Variants in RAB42 observed in about 807,000 individuals in gnomAD.
RAB42 encodes ras-related protein Rab-42.
In RAB42, 4 loss-of-function variants were observed where a neutral mutation model predicts 7.5. That is an observed-to-expected ratio of 0.53 (90% CI 0.26 to 1.22). The LOEUF (loss-of-function observed/expected upper bound fraction) is 1.22, where lower values mean the gene tolerates loss of function less well. RAB42 is among the 50% of genes most tolerant of loss of function. RAB42 has a pLI of 0.13. For missense variants in RAB42, 208 were observed against 281.2 expected (o/e 0.74, Z 1.86); for synonymous variants, 82 against 129.0 (o/e 0.64, Z 2.47).
At position 28,594,035 on chromosome 1, in the gene RAB42, G is replaced by A. The variant is rs778237147; in HGVS notation, c.575G>A (p.Trp192Ter). The change falls in exon 2 of 2, where the codon TGG (tryptophan) becomes TAG (stop). Residue 192 changes from tryptophan (W) to a stop codon, truncating the protein, a stop_gained. Transcript: ENST00000465518. LOFTEE classifies it high-confidence loss of function. ...QQGDIKLEEG[W>*]GGVRLIHKTQ... Reference sequence around the variant, plus strand: ...GGGGACATCAAGCTAGAAGAGGGCTGGGGGGGTGTCCGGCTCATCCACAAG... The same window carrying A: ...GGGGACATCAAGCTAGAAGAGGGCTAGGGGGGTGTCCGGCTCATCCACAAG... 2 of 1,613,268 alleles carry A rather than the reference G, an allele frequency of 1.2e-6. No homozygotes were observed. Among genetic ancestry groups the A allele is most frequent in the Non-Finnish European group, 1.7e-6 (2 of 1,179,496 alleles).
intron 1 of RAB42, among the ~76,000 whole-genome samples, chr1:28,593,080 A>T (rs1461932846): frequency 2.6e-5 from 4 of 152,186 alleles, no homozygotes; most frequent in Non-Finnish European, 5.9e-5. Flanking sequence ...AGAGAGGATC[A>T]GCAGGAGTTT....
chr1:28,595,744 T>G (rs913091691), downstream of RAB42, among the ~76,000 whole-genome samples: 2 of 151,882 alleles, frequency 1.3e-5, no homozygotes, highest in Non-Finnish European at 2.9e-5. Flanking sequence ...CTGTCTATAC[T>G]AAAAATACAA....
chr1:28,593,130 C>T (rs1433735838), intron 1 of RAB42, among the ~76,000 whole-genome samples: 1 of 152,038 alleles, frequency 6.6e-6, no homozygotes, highest in African/African-American at 2.4e-5. Flanking sequence ...TAGGTCAGGG[C>T]AGCACCAGGC....
At position 28,593,870 on chromosome 1, in the gene RAB42, G is replaced by A. The variant is rs375798399; in HGVS notation, c.410G>A (p.Arg137His). 39 of 1,602,682 alleles carry A rather than the reference G, an allele frequency of 2.4e-5. No individual in the cohort carries two copies. The highest frequency in any genetic ancestry group is 2.9e-5 in the Non-Finnish European group (34 of 1,174,968). Residue 137 changes from arginine (R) to histidine (H), a missense_variant, in exon 2 of 2, where the codon CGC becomes CAC. By Grantham distance (29) the Arg-to-His change is conservative. Transcript: ENST00000465518. The part of the protein sequence containing the change: ...VGHKSDLQST[R>H]CVSAQEAEEL... The stretch of plus-strand genomic sequence containing the variant: ...CACAAGAGTGACCTGCAGAGCACCC[G>A]CTGTGTCTCAGCCCAGGAGGCCGAG...
In RAB42 at chr1:28,592,480, C is replaced by G. The variant is rs12123931; in HGVS notation, c.-32C>G. On this transcript the variant is annotated 5_prime_UTR_variant, in exon 1 of 2. Transcript: ENST00000465518. This position sits in a 1 kb window ranked among gnomAD's most constrained non-coding sequence, Gnocchi z 4.1. Reference sequence around the variant, plus strand: ...GGCGGGGTCGGGGCGCGGACAAAACCGCCGCGGGGCGGCGGGGTGGCGGAC... The same window carrying G: ...GGCGGGGTCGGGGCGCGGACAAAACGGCCGCGGGGCGGCGGGGTGGCGGAC... 0.26 allele frequency: 302,892 copies of G among 1,143,412 alleles called. 41,891 individuals are homozygous for G. The highest frequency in any genetic ancestry group is 0.31 in the Middle Eastern group (906 of 2,882). The allele number at this position is 1,143,412 out of a possible 1,614,324, so 70.8% of individuals were successfully genotyped here.
At chr1:28,596,194 C>T, downstream of RAB42, among the ~76,000 whole-genome samples, 1 of 152,032 alleles carries the variant, frequency 6.6e-6, no homozygotes, top group Non-Finnish European at 1.5e-5. Flanking sequence ...ATATCCATTA[C>T]CTCAGACATT....
rs1479698816 is a variant in RAB42, at chr1:28,594,109, C to T, written c.649C>T (p.Gln217Ter). The change falls in exon 2 of 2, where the codon CAG becomes TAG. Residue 217 changes from glutamine to a stop codon, truncating the protein, a stop_gained. Transcript: ENST00000465518. LOFTEE classifies it high-confidence loss of function. ...PSRKQHSGPC[Q>*]C Reference sequence around the variant, plus strand: ...CAGGAAGCAGCACTCAGGCCCATGCCAGTGTTGACTCTAGGAGAGAAAGGG... The same window carrying T: ...CAGGAAGCAGCACTCAGGCCCATGCTAGTGTTGACTCTAGGAGAGAAAGGG... 6.3e-7 allele frequency: 1 copy of T among 1,587,850 alleles called. No homozygotes were observed. The highest frequency in any genetic ancestry group is 8.6e-7 in the Non-Finnish European group (1 of 1,166,716).
intron 1 of RAB42, among the ~76,000 whole-genome samples, chr1:28,593,082 C>G (rs1666354985): frequency 6.6e-6 from 1 of 152,088 alleles, no homozygotes; most frequent in Non-Finnish European, 1.5e-5. Context: ...AGAGGATCAG[C>G]AGGAGTTTGC....
In RAB42 at chr1:28,594,687, A is replaced by C. The variant is rs4654341; in HGVS notation, c.*570A>C. The C allele has an allele frequency of 0.23, 37,751 of 167,102 alleles. 4,708 individuals are homozygous for C. Among genetic ancestry groups the C allele is most frequent in the Middle Eastern group, 0.33 (97 of 298 alleles). The allele number at this position is 167,102 out of a possible 1,614,324, so 10.4% of individuals were successfully genotyped here. A position where few individuals can be genotyped will look rare whatever the true frequency, so the allele number is the denominator to read the frequency against. ...GGGGCTCATAAAAGATCCCACCTTG[A>C]AGGGAGGTGGTGACCACAAATGAGA... On this transcript the variant is annotated 3_prime_UTR_variant, in exon 2 of 2. Transcript: ENST00000465518.
In RAB42 at chr1:28,592,695, C is replaced by G; in HGVS notation, c.184C>G (p.Pro62Ala). Residue 62 changes from proline (P) to alanine (A), a missense_variant, in exon 1 of 2, where the codon CCG becomes GCG. Physicochemically the swap from Pro to Ala is conservative, Grantham distance 27. Transcript: ENST00000465518. This position sits in a 1 kb window ranked among gnomAD's most constrained non-coding sequence, Gnocchi z 4.1. Reference protein sequence around the residue: ...YRRALQLRAGPRVKLQLWDTA... With the variant: ...YRRALQLRAGARVKLQLWDTA... Reference sequence around the variant, plus strand: ...CCGCGCGCTGCAGCTGCGGGCCGGGCCGCGGGTCAAGCTGCAACTCTGGGA... The same window carrying G: ...CCGCGCGCTGCAGCTGCGGGCCGGGGCGCGGGTCAAGCTGCAACTCTGGGA... 8.1e-7 allele frequency: 1 copy of G among 1,229,884 alleles called. No homozygotes were observed. The highest frequency in any genetic ancestry group is 1.0e-6 in the Non-Finnish European group (1 of 986,794). The allele number at this position is 1,229,884 out of a possible 1,614,324, so 76.2% of individuals were successfully genotyped here.
intron 1 of RAB42, 78 bp from the exon 2 acceptor site, chr1:28,593,616 G>T: frequency 7.1e-7 from 1 of 1,408,572 alleles, no homozygotes. Context: ...ATCCCAGGGG[G>T]AGGAGGTCCT....
chr1:28,594,974 C>T lies in RAB42; in HGVS notation c.*857C>T, dbSNP rs1451874557. The stretch of plus-strand genomic sequence containing the variant: ...CATGGGATTAATATGTGACGTCAAA[C>T]CCAGGGTTGCTGGCCAATGCCCCCC... On this transcript the variant is annotated 3_prime_UTR_variant, in exon 2 of 2. Transcript: ENST00000465518. 6.0e-6 allele frequency: 1 copy of T among 167,140 alleles called. No individual in the cohort carries two copies. The highest frequency in any genetic ancestry group is 1.5e-5 in the Non-Finnish European group (1 of 68,192). 10.4% of individuals were successfully genotyped at this position (167,140 alleles called of 1,614,324 possible).
At position 28,594,051 on chromosome 1, in the gene RAB42, C is replaced by T. The variant is rs772187816; in HGVS notation, c.591C>T (p.Leu197=). 1.2e-6 allele frequency: 2 copies of T among 1,613,404 alleles called. No individual in the cohort carries two copies. The highest frequency in any genetic ancestry group is 8.5e-7 in the Non-Finnish European group (1 of 1,179,504). The change falls in exon 2 of 2, where the codon CTC becomes CTT. Residue 197 remains leucine, a synonymous_variant. Transcript: ENST00000465518. Reference sequence around the variant, plus strand: ...AAGAGGGCTGGGGGGGTGTCCGGCTCATCCACAAGACCCAAATCCCCAGGT... The same window carrying T: ...AAGAGGGCTGGGGGGGTGTCCGGCTTATCCACAAGACCCAAATCCCCAGGT... ...KLEEGWGGVR[L]IHKTQIPRSP...
Position 28,593,987 on chromosome 1 carries a change from C to G in RAB42, c.527C>G (p.Ala176Gly). Residue 176 changes from alanine (A) to glycine (G), a missense_variant, in exon 2 of 2, where the codon GCT becomes GGT. By Grantham distance (60) the Ala-to-Gly change is moderately conservative. Coordinates refer to ENST00000465518, the MANE Select transcript of RAB42 (RefSeq NM_001193532.3). ...CTGGCCTTTGACACCCTCGCTGATGCTATCCAGCAGGCCCTGCAGCAGGGG... is the reference window on the plus strand; with the variant it reads ...CTGGCCTTTGACACCCTCGCTGATGGTATCCAGCAGGCCCTGCAGCAGGGG... Reference protein sequence around the residue: ...VDLAFDTLADAIQQALQQGDI... With the variant: ...VDLAFDTLADGIQQALQQGDI... 1 of 1,613,956 alleles carries G rather than the reference C, an allele frequency of 6.2e-7. No individual in the cohort carries two copies. Among genetic ancestry groups the G allele is most frequent in the Non-Finnish European group, 8.5e-7 (1 of 1,179,874 alleles).
rs1414365574 is a variant in RAB42 at position 28,593,691 on chromosome 1, C to T, written c.234-3C>T. ...TTACCTTTCCACCTCCCTGCCTCCC[C>T]AGGTGCATCACCAGGTCCTTTTACC... is the stretch of plus-strand genomic sequence containing the variant. On this transcript the variant is annotated splice_region_variant and splice_polypyrimidine_tract_variant and intron_variant, in intron 1 of 1. Coordinates refer to ENST00000465518, the MANE Select transcript of RAB42 (RefSeq NM_001193532.3). 6 of 1,534,612 alleles carry T rather than the reference C, an allele frequency of 3.9e-6. No homozygotes were observed. The highest frequency in any genetic ancestry group is 5.3e-6 in the Non-Finnish European group (6 of 1,136,580).
rs1309341239 is a variant in RAB42 at position 28,594,311 on chromosome 1, A to ACGCCTGTAATC, written c.*196_*206dup. 6 of 620,322 alleles carry ACGCCTGTAATC rather than the reference A, an allele frequency of 9.7e-6. No homozygotes were observed. The highest frequency in any genetic ancestry group is 1.6e-5 in the Non-Finnish European group (6 of 365,134). 38.4% of individuals were successfully genotyped at this position (620,322 alleles called of 1,614,324 possible). On this transcript the variant is annotated 3_prime_UTR_variant, in exon 2 of 2. Transcript: ENST00000465518. Reference sequence around the variant, plus strand: ...TTCTGATGGCCAGGCATGGTGGCTCACGCCTGTAATCCTAGCATTTTTGGA... The same window carrying ACGCCTGTAATC: ...TTCTGATGGCCAGGCATGGTGGCTCACGCCTGTAATCCGCCTGTAATCCTAGCATTTTTGGA...
intron 1 of RAB42, among the ~76,000 whole-genome samples, chr1:28,593,230 GTC>G (rs756490610): frequency 1.3e-5 from 2 of 151,502 alleles, no homozygotes; most frequent in South Asian, 2.1e-4. Flanking sequence ...TTGAGACGGA[GTC>G]TCTCTCTGTC....
Position 28,592,631 on chromosome 1 carries a change from G to T in RAB42, c.120G>T (p.Glu40Asp). The T allele has an allele frequency of 8.2e-7, 1 of 1,224,276 alleles. No individual in the cohort carries two copies. The highest frequency in any genetic ancestry group is 1.0e-6 in the Non-Finnish European group (1 of 982,988). 75.8% of individuals were successfully genotyped at this position (1,224,276 alleles called of 1,614,324 possible). A position where few individuals can be genotyped will look rare whatever the true frequency, so the allele number is the denominator to read the frequency against. Reference sequence around the variant, plus strand: ...GCGCGCCTGGCGCCCCGGAGCCGGAGCCCGAGCCCGAGCCCACGGTGGGCG... The same window carrying T: ...GCGCGCCTGGCGCCCCGGAGCCGGATCCCGAGCCCGAGCCCACGGTGGGCG... The part of the protein sequence containing the change: ...VAGAPGAPEP[E>D]PEPEPTVGAE... The change falls in exon 1 of 2, where the codon GAG becomes GAT. Residue 40 changes from glutamate (E) to aspartate (D), a missense_variant. Physicochemically the swap from Glu to Asp is conservative, Grantham distance 45. Coordinates refer to ENST00000465518, the MANE Select transcript of RAB42 (RefSeq NM_001193532.3). This position sits in a 1 kb window ranked among gnomAD's most constrained non-coding sequence, Gnocchi z 4.1.
Position 28,594,067 on chromosome 1 carries a change from A to G in RAB42, c.607A>G (p.Ile203Val). ...TGTCCGGCTCATCCACAAGACCCAA[A>G]TCCCCAGGTCCCCCAGCAGGAAGCA... ...GGVRLIHKTQ[I>V]PRSPSRKQHS... is the part of the protein sequence containing the mutation. The change falls in exon 2 of 2, where the codon ATC (isoleucine) becomes GTC (valine). Residue 203 changes from isoleucine to valine, a missense_variant. Transcript: ENST00000465518. 6.2e-7 allele frequency: 1 copy of G among 1,611,808 alleles called. No individual in the cohort carries two copies. Among genetic ancestry groups the G allele is most frequent in the Non-Finnish European group, 8.5e-7 (1 of 1,178,564 alleles).
Sources: allele counts gnomAD v4.1 joint callset (sites outside exome capture counted in the v4.1 genomes callset), GRCh38; gene constraint gnomAD v4.1.1; non-coding constraint Gnocchi (gnomAD v3.1); transcripts MANE v1.5; gene names NCBI Gene and HGNC (gene_info 2026-07-23, HGNC 2026-07-21).